PHF14: variants seen among roughly 807,000 people sequenced by gnomAD.
PHF14 encodes PHD finger protein 14.
In PHF14, 55 loss-of-function variants were observed where a neutral mutation model predicts 117.9. The observed-to-expected ratio is 0.47, with a 90% CI of 0.38 to 0.58. The LOEUF (loss-of-function observed/expected upper bound fraction) is 0.58, where lower values mean the gene tolerates loss of function less well. PHF14 is among the 20% of genes least tolerant of loss of function. PHF14 has a pLI of 0.00. For synonymous variants in PHF14, 409 were observed against 368.6 expected (o/e 1.11, Z -1.26); for missense variants, 978 against 1,122.2 (o/e 0.87, Z 1.84).
chr7:10,983,100 G>A lies in PHF14; in HGVS notation c.841G>A (p.Ala281Thr). The change falls in exon 3 of 18, where the codon GCT becomes ACT. Residue 281 changes from alanine to threonine, a missense_variant. This residue lies in a region of PHF14 where 414 missense variants were observed against 376.4 expected (regional missense o/e 1.10). Coordinates refer to ENST00000634607, the MANE Select transcript of PHF14 (RefSeq NM_001007157.2). Reference sequence around the variant, plus strand: ...GAGTAAAGTTCTTAGCAGAAACAGTGCTGATGATGAGGAACTGACCAATGA... The same window carrying A: ...GAGTAAAGTTCTTAGCAGAAACAGTACTGATGATGAGGAACTGACCAATGA... ...KKSKVLSRNSADDEELTNDSL... is the reference protein window; with the variant it reads ...KKSKVLSRNSTDDEELTNDSL... The A allele has an allele frequency of 6.3e-7, 1 of 1,599,378 alleles. No individual in the cohort carries two copies. Among genetic ancestry groups the A allele is most frequent in the East Asian group, 2.2e-5 (1 of 44,878 alleles).
At chr7:10,998,824 C>T (rs1292187726) in intron 4 of PHF14, among the ~76,000 whole-genome samples, 5 of 152,184 alleles carry the variant, frequency 3.3e-5, no homozygotes, top group African/African-American at 9.6e-5. Flanking sequence ...GGCACTATCT[C>T]TATTTTTCTC....
At chr7:11,146,752 A>G (rs761446903) in intron 17 of PHF14, among the ~76,000 whole-genome samples, 2 of 152,214 alleles carry the variant, frequency 1.3e-5, no homozygotes, top group Non-Finnish European at 2.9e-5. Context: ...GGACATGTAA[A>G]TATAAAATAA....
chr7:11,027,944 T>C (rs958870068), intron 6 of PHF14, among the ~76,000 whole-genome samples: 2 of 152,188 alleles, frequency 1.3e-5, no homozygotes, highest in Admixed American at 6.5e-5. Context: ...AATTTCCTCA[T>C]GTGTAAAATG....
At chr7:11,101,583 T>C (rs975541753) in intron 16 of PHF14, among the ~76,000 whole-genome samples, 4 of 151,930 alleles carry the variant, frequency 2.6e-5, no homozygotes, top group African/African-American at 4.8e-5. Flanking sequence ...TTGTATTCTT[T>C]TGTGGGGGTG....
At chr7:11,011,681 T>C (rs1783362604) in intron 4 of PHF14, among the ~76,000 whole-genome samples, 1 of 152,236 alleles carries the variant, frequency 6.6e-6, no homozygotes, top group African/African-American at 2.4e-5. Context: ...AGAATTAAGT[T>C]GCAATGTGTT....
intron 4 of PHF14, among the ~76,000 whole-genome samples, chr7:10,996,485 A>G (rs1386515198): frequency 6.6e-6 from 1 of 152,208 alleles, no homozygotes; most frequent in Non-Finnish European, 1.5e-5. Context: ...AACTGTTTCA[A>G]AAAGAGAGTC....
intron 16 of PHF14, among the ~76,000 whole-genome samples, chr7:11,077,505 G>A (rs973562078): frequency 6.6e-6 from 1 of 150,868 alleles, no homozygotes; most frequent in African/African-American, 2.4e-5. Flanking sequence ...GGAGGCTGAG[G>A]CAGGAGAATC....
At chr7:11,164,918 A>G (rs1259264162) in intron 17 of PHF14, among the ~76,000 whole-genome samples, 1 of 152,100 alleles carries the variant, frequency 6.6e-6, no homozygotes, top group South Asian at 2.1e-4. Flanking sequence ...CTTGTCATTC[A>G]TAACCTTGAC....
rs1023333724 is a variant in PHF14 at position 11,081,494 on chromosome 7, A to T, written c.2654+19409A>T. On this transcript the variant is annotated intron_variant, in intron 16 of 17. Transcript: ENST00000634607. ...TTTTCATCCTCTTATTTGACCCCTT[A>T]TTCAGCCATTTTTTAAAAAGAGTAT... Among the ~76,000 whole-genome samples the T allele has an allele frequency of 2.0e-5, 3 of 152,320 alleles. No individual in the cohort carries two copies. The East Asian group carries it at 5.8e-4, about 29-fold the overall frequency.
Position 11,117,846 on chromosome 7 carries a change from A to G in PHF14, c.2772+6379A>G, listed in dbSNP as rs1787644439. Among the ~76,000 whole-genome samples the G allele has an allele frequency of 2.7e-5, 4 of 147,690 alleles. 1 individual carries two copies. In the South Asian group the frequency reaches 8.3e-4, roughly 31 times the overall value. The stretch of plus-strand genomic sequence containing the variant: ...AATGAATTATCCTTTAAAGTTCTTT[A>G]AAATTTGAAGCATATAACTGACGCA... On this transcript the variant is annotated intron_variant, in intron 17 of 17. Transcript: ENST00000634607.
chr7:11,121,839 CTG>C (rs1470538606), intron 17 of PHF14, among the ~76,000 whole-genome samples: 1 of 151,628 alleles, frequency 6.6e-6, no homozygotes, highest in Non-Finnish European at 1.5e-5. Flanking sequence ...AACTTCCAAA[CTG>C]TTTATTTCTG....
chr7:11,002,374 T>C (rs1240587965), intron 4 of PHF14, among the ~76,000 whole-genome samples: 1 of 152,118 alleles, frequency 6.6e-6, no homozygotes, highest in African/African-American at 2.4e-5. Flanking sequence ...TGAAGTATGG[T>C]TCCTGGTATA....
At chr7:11,135,432 G>T (rs1788191958) in intron 17 of PHF14, among the ~76,000 whole-genome samples, 1 of 151,994 alleles carries the variant, frequency 6.6e-6, no homozygotes, top group Non-Finnish European at 1.5e-5. Flanking sequence ...TACTTCTGAA[G>T]CAGTGGAAAT....
chr7:11,034,539 ATTTTTTTTTTTTTTT>A (rs56043099), intron 7 of PHF14, among the ~76,000 whole-genome samples: 5 of 63,056 alleles, frequency 7.9e-5, no homozygotes, highest in Admixed American at 5.3e-4. Context: ...TCTTAATTCT[ATTTTTTTTTTTTTTT>A]TTTTTTTTTT....
intron 17 of PHF14, among the ~76,000 whole-genome samples, chr7:11,168,870 A>G (rs144490409): frequency 7.0e-4 from 106 of 152,214 alleles, no homozygotes; most frequent in African/African-American, 2.5e-3. Flanking sequence ...TTCCACAGGA[A>G]CCTGCTATGA....
chr7:11,156,167 G>A (rs1479731982), intron 17 of PHF14, among the ~76,000 whole-genome samples: 5 of 152,180 alleles, frequency 3.3e-5, no homozygotes, highest in Non-Finnish European at 1.5e-5. Flanking sequence ...AAGCAAAGTA[G>A]TAGCTAAGAC....
At chr7:11,116,524 ACT>A (rs1280228346) in intron 17 of PHF14, among the ~76,000 whole-genome samples, 5 of 151,766 alleles carry the variant, frequency 3.3e-5, no homozygotes, top group African/African-American at 7.3e-5. Context: ...TTTGTAAATA[ACT>A]CTCTGACAGA....
chr7:11,096,115 C>T (rs1204149645), intron 16 of PHF14, among the ~76,000 whole-genome samples: 1 of 151,870 alleles, frequency 6.6e-6, no homozygotes, highest in Non-Finnish European at 1.5e-5. Flanking sequence ...ACATGGTTTT[C>T]CCAGTCATGC....
chr7:11,036,668 A>G lies in PHF14; in HGVS notation c.1853A>G (p.Asp618Gly). Reference protein sequence around the residue: ...RKHKQPALTADFVNYYFERNM... With the variant: ...RKHKQPALTAGFVNYYFERNM... ...CATAAGCAACCAGCTCTCACTGCAG[A>G]TTTTGTGAATTATTATTTTGGTCAG... is the stretch of plus-strand genomic sequence containing the variant. Residue 618 changes from aspartate (D) to glycine (G), a missense_variant, in exon 9 of 18, where the codon GAT (aspartate) becomes GGT (glycine). Around this residue, in one of 7 missense-constraint regions of PHF14, gnomAD observed 237 missense variants for 276.4 expected, o/e 0.86. Transcript: ENST00000634607. 1 of 1,613,744 alleles carries G rather than the reference A, an allele frequency of 6.2e-7. No individual in the cohort carries two copies. Among genetic ancestry groups the G allele is most frequent in the Non-Finnish European group, 8.5e-7 (1 of 1,179,724 alleles).
Sources: gnomAD v4.1 joint callset for allele counts (sites outside exome capture counted in the v4.1 genomes callset) on GRCh38, gnomAD v4.1.1 for gene constraint, gnomAD v4.1.1 regional missense constraint, MANE v1.5 for transcripts, NCBI Gene and HGNC (gene_info 2026-07-23, HGNC 2026-07-21) for gene names.